Variants in F3 observed in about 807,000 individuals in gnomAD.
The protein encoded by F3 is coagulation factor III, tissue factor.
In F3, 18 loss-of-function variants were observed where a neutral mutation model predicts 33.5. The observed-to-expected ratio is 0.54, with a 90% CI of 0.37 to 0.80. The LOEUF (loss-of-function observed/expected upper bound fraction) is 0.80, where lower values mean the gene tolerates loss of function less well. F3 is among the 30% of genes least tolerant of loss of function. F3 has a pLI of 0.00. For synonymous variants in F3, 147 were observed against 140.7 expected (o/e 1.05, Z -0.32); for missense variants, 353 against 362.1 (o/e 0.97, Z 0.20).
intron 3 of F3, among the ~76,000 whole-genome samples, chr1:94,535,213 G>C (rs3917616): frequency 6.6e-6 from 1 of 152,130 alleles, no homozygotes; most frequent in Non-Finnish European, 1.5e-5. Context: ...CCTTACAAGA[G>C]AAGCTAATTT....
rs1000835089 is a variant in F3, at chr1:94,535,667, C to T, written c.412+298G>A. ...CCTTGGTGGATTTCCTATCCCTACC[C>T]GCTTCCCTGGCCCGCCCTCTCCCAA... On this transcript the variant is annotated intron_variant, in intron 3 of 5. Coordinates refer to ENST00000334047, the MANE Select transcript of F3 (RefSeq NM_001993.5). Among the ~76,000 whole-genome samples, 4 of 151,908 alleles carry T rather than the reference C, an allele frequency of 2.6e-5. No individual in the cohort carries two copies. In the South Asian group the frequency reaches 6.2e-4, roughly 24 times the overall value.
At position 94,531,197 on chromosome 1, in the gene F3, C is replaced by T. The variant is rs116774766; in HGVS notation, c.752-601G>A. 5.1e-3 allele frequency among the ~76,000 whole-genome samples: 781 copies of T among 152,218 alleles called. 7 individuals are homozygous for T. The highest frequency in any genetic ancestry group is 0.016 in the East Asian group (84 of 5,180). Reference sequence around the variant, plus strand: ...GACCAGAGGTAAAGAGAAACCTCTCCTGTCAGTGGCAATAAACAGGAGAGA... The same window carrying T: ...GACCAGAGGTAAAGAGAAACCTCTCTTGTCAGTGGCAATAAACAGGAGAGA... On this transcript the variant is annotated intron_variant, in intron 5 of 5. Transcript: ENST00000334047.
chr1:94,533,725 A>G (rs527665000), intron 3 of F3, among the ~76,000 whole-genome samples: 51 of 151,918 alleles, frequency 3.4e-4, no homozygotes, highest in Admixed American at 1.3e-3. Flanking sequence ...CCTCCTCCTC[A>G]GCCTACTCAA....
rs917239014 is a variant in F3, at chr1:94,540,182, T to G, written c.212+75A>C. On this transcript the variant is annotated intron_variant, in intron 2 of 5. Transcript: ENST00000334047. ...AATAATTTCATCCAGTAATCAGCTT[T>G]AAAGACATTCTTGTTCAGCATAGGA... 5.2e-6 allele frequency: 5 copies of G among 959,130 alleles called. No homozygotes were observed. The African/African-American group carries it at 8.3e-5, about 16-fold the overall frequency. 59.4% of individuals were successfully genotyped at this position (959,130 alleles called of 1,614,324 possible). A position where few individuals can be genotyped will look rare whatever the true frequency, so the allele number is the denominator to read the frequency against.
intron 5 of F3, 129 bp from the exon 6 acceptor site, chr1:94,530,725 C>T (rs1271171431): frequency 7.5e-6 from 8 of 1,061,678 alleles, no homozygotes; most frequent in African/African-American, 1.6e-5. Context: ...TCACTCTTTC[C>T]ACCACACTTA....
rs538832676 is a variant in F3 at position 94,534,578 on chromosome 1, C to A, written c.413-1310G>T. 5.3e-5 allele frequency among the ~76,000 whole-genome samples: 8 copies of A among 152,220 alleles called. No homozygotes were observed. In the East Asian group the frequency reaches 1.2e-3, roughly 22 times the overall value. Reference sequence around the variant, plus strand: ...TGTGGCTAGTGGCTACTATACTGAACAGGGTGGTAGCATAAACTACGATAT... The same window carrying A: ...TGTGGCTAGTGGCTACTATACTGAAAAGGGTGGTAGCATAAACTACGATAT... On this transcript the variant is annotated intron_variant, in intron 3 of 5. Transcript: ENST00000334047.
chr1:94,533,956 A>T (rs1184505913), intron 3 of F3, among the ~76,000 whole-genome samples: 1 of 151,216 alleles, frequency 6.6e-6, no homozygotes, highest in Non-Finnish European at 1.5e-5. Context: ...AACCTCCTCC[A>T]CCTGGGTTGA....
At chr1:94,532,888 CCAGAGTCACAGGGTAGTG>C (rs1343273477) in intron 4 of F3, 184 bp downstream of exon 4, 2 of 603,058 alleles carry the variant, frequency 3.3e-6, no homozygotes, top group African/African-American at 3.8e-5. Context: ...GGGGCCCTGC[CCAGAGTCACAGGGTAGTG>C]CAGAGTCACA....
chr1:94,541,430 C>T, intron 1 of F3, 107 bp downstream of exon 1: 3 of 901,216 alleles, frequency 3.3e-6, no homozygotes, highest in Non-Finnish European at 4.6e-6. Context: ...GCGCGGGGGA[C>T]AACATGGGCG....
chr1:94,538,046 A>G (rs747455564), intron 2 of F3, among the ~76,000 whole-genome samples: 5 of 152,206 alleles, frequency 3.3e-5, no homozygotes, highest in Non-Finnish European at 7.3e-5. Context: ...TACCCTGGTA[A>G]GTAGTAAAAC....
intron 3 of F3, among the ~76,000 whole-genome samples, chr1:94,534,598 C>G (rs3917618): frequency 6.6e-6 from 1 of 152,044 alleles, no homozygotes; most frequent in African/African-American, 2.4e-5. Context: ...GCATAAACTA[C>G]GATATTTTAG....
chr1:94,532,864 C>A, intron 4 of F3: 1 of 569,772 alleles, frequency 1.8e-6, no homozygotes, highest in Non-Finnish European at 3.0e-6. Context: ...GGCTGAGGAA[C>A]CTGGGTCTCC....
chr1:94,532,906 G>C (rs1651472877), intron 4 of F3, 184 bp downstream of exon 4: 1 of 636,372 alleles, frequency 1.6e-6, no homozygotes, highest in Non-Finnish European at 2.7e-6. Context: ...ACAGGGTAGT[G>C]CAGAGTCACA....
intron 2 of F3, among the ~76,000 whole-genome samples, chr1:94,537,704 T>C (rs1318701965): frequency 6.6e-6 from 1 of 152,192 alleles, no homozygotes. Context: ...CCAAAAGGAT[T>C]TGGGTAAACA....
chr1:94,529,321 ATTCCCAGTCACCTT>A lies in F3; in HGVS notation c.*1125_*1138del, dbSNP rs1475102978. 1.8e-4 allele frequency: 27 copies of A among 152,662 alleles called. No individual in the cohort carries two copies. Among genetic ancestry groups the A allele is most frequent in the African/African-American group, 6.3e-4 (26 of 41,452 alleles). 9.5% of individuals were successfully genotyped at this position (152,662 alleles called of 1,614,324 possible). On this transcript the variant is annotated 3_prime_UTR_variant, in exon 6 of 6. Coordinates refer to ENST00000334047, the MANE Select transcript of F3 (RefSeq NM_001993.5). Reference sequence around the variant, plus strand: ...AGATAGAATAAGTACAACAGTAACAATTCCCAGTCACCTTTATTTAAAGTATATTAAATAAATTA... The same window carrying A: ...AGATAGAATAAGTACAACAGTAACAATATTTAAAGTATATTAAATAAATTA...
In F3 at chr1:94,536,029, C is replaced by T; in HGVS notation, c.348G>A (p.Glu116=). 1.9e-6 allele frequency: 3 copies of T among 1,614,176 alleles called. No individual in the cohort carries two copies. Among genetic ancestry groups the T allele is most frequent in the Non-Finnish European group, 2.5e-6 (3 of 1,180,036 alleles). The change falls in exon 3 of 6, where the codon GAG becomes GAA. Residue 116 remains glutamate (E), a synonymous_variant. Coordinates refer to ENST00000334047, the MANE Select transcript of F3 (RefSeq NM_001993.5). The part of the protein sequence containing the change: ...RVFSYPAGNV[E]STGSAGEPLY... ...GAGGCTCCCCAGCAGAACCGGTGCT[C>T]TCCACATTCCCTGCCGGGTAGGAGA...
At position 94,530,722 on chromosome 1, in the gene F3, T is replaced by C. The variant is rs941451077; in HGVS notation, c.752-126A>G. On this transcript the variant is annotated intron_variant, in intron 5 of 5. Transcript: ENST00000334047. ...GTGCAATTTGACTTTCTTTCACTCT[T>C]TCCACCACACTTACATTAGGAAAGA... 41 of 1,088,628 alleles carry C rather than the reference T, an allele frequency of 3.8e-5. 1 individual carries two copies. The Admixed American group carries it at 8.9e-4, about 24-fold the overall frequency. The allele number at this position is 1,088,628 out of a possible 1,614,324, so 67.4% of individuals were successfully genotyped here.
rs564376370 is a variant in F3, at chr1:94,534,669, C to T, written c.412+1296G>A. On this transcript the variant is annotated intron_variant, in intron 3 of 5. Coordinates refer to ENST00000334047, the MANE Select transcript of F3 (RefSeq NM_001993.5). ...AAATGTCCTTGGTACCTCGAGAAGC[C>T]GGATTTAACCACGGGGTCTCTGCAA... Among the ~76,000 whole-genome samples, 37 of 151,920 alleles carry T rather than the reference C, an allele frequency of 2.4e-4. 1 individual carries two copies. The highest frequency in any genetic ancestry group is 2.8e-4 in the Non-Finnish European group (19 of 68,006).
chr1:94,541,685 G>T lies in F3; in HGVS notation c.-49C>A. 1 of 1,274,364 alleles carries T rather than the reference G, an allele frequency of 7.8e-7. No individual in the cohort carries two copies. The highest frequency in any genetic ancestry group is 1.0e-6 in the Non-Finnish European group (1 of 977,916). The allele number at this position is 1,274,364 out of a possible 1,614,324, so 78.9% of individuals were successfully genotyped here. Reference sequence around the variant, plus strand: ...GAGCGGGTTCCGTGGCGCCCGTGGGGCTGGGGAGGTTGGGCTGAAGGCGCC... The same window carrying T: ...GAGCGGGTTCCGTGGCGCCCGTGGGTCTGGGGAGGTTGGGCTGAAGGCGCC... On this transcript the variant is annotated 5_prime_UTR_variant, in exon 1 of 6. Transcript: ENST00000334047.
Sources: gnomAD v4.1 joint callset for allele counts (sites outside exome capture counted in the v4.1 genomes callset) on GRCh38, gnomAD v4.1.1 for gene constraint, MANE v1.5 for transcripts, NCBI Gene and HGNC (gene_info 2026-07-23, HGNC 2026-07-21) for gene names.